Variants in FBN2 observed in about 807,000 individuals in gnomAD.
FBN2 encodes the protein fibrillin 2.
A neutral mutation model predicts 355.6 loss-of-function variants in FBN2; 105 were observed. The ratio of observed to expected loss-of-function variants is 0.30; its 90% confidence interval spans 0.25 to 0.35. FBN2 has a LOEUF of 0.35. FBN2 is among the 10% of genes least tolerant of loss of function. FBN2 has a pLI of 1.00. For synonymous variants in FBN2, 1,350 were observed against 1,301.2 expected (o/e 1.04, Z -0.81); for missense variants, 3,280 against 3,758.7 (o/e 0.87, Z 3.33).
intron 14 of FBN2, among the ~76,000 whole-genome samples, 161 bp downstream of exon 14, chr5:128,376,570 G>A (rs779870252): frequency 6.6e-6 from 1 of 152,126 alleles, no homozygotes; most frequent in Non-Finnish European, 1.5e-5. Flanking sequence ...CACAATGTGT[G>A]TTTTTCTAGA....
At chr5:128,533,657 T>C (rs1490620489) in intron 2 of FBN2, among the ~76,000 whole-genome samples, 1 of 152,192 alleles carries the variant, frequency 6.6e-6, no homozygotes, top group Non-Finnish European at 1.5e-5. Flanking sequence ...CCACAGCCTT[T>C]CTGGGTTCAG....
intron 2 of FBN2, among the ~76,000 whole-genome samples, chr5:128,534,352 T>C (rs1279317453): frequency 6.6e-6 from 1 of 152,200 alleles, no homozygotes; most frequent in African/African-American, 2.4e-5. Flanking sequence ...TATGATCATT[T>C]TAAATGTCAG....
At chr5:128,416,410 GT>G (rs1339317910) in intron 7 of FBN2, among the ~76,000 whole-genome samples, 1 of 152,184 alleles carries the variant, frequency 6.6e-6, no homozygotes, top group East Asian at 1.9e-4. Context: ...GAAGCTTTTA[GT>G]TTAATAGAGT....
Position 128,331,220 on chromosome 5 carries a change from G to C in FBN2, c.4223-525C>G, listed in dbSNP as rs139298320. ...GAAGAAAAGTTACAAGGTGCCATGA[G>C]AGAATAAAAAAGGCATCTGATTTGG... On this transcript the variant is annotated intron_variant, in intron 32 of 64. Coordinates refer to ENST00000262464, the MANE Select transcript of FBN2 (RefSeq NM_001999.4). Among the ~76,000 whole-genome samples, 610 of 152,306 alleles carry C rather than the reference G, an allele frequency of 4.0e-3. 7 individuals are homozygous for C. Among genetic ancestry groups the C allele is most frequent in the African/African-American group, 0.014 (569 of 41,574 alleles).
intron 31 of FBN2, among the ~76,000 whole-genome samples, chr5:128,333,273 G>C (rs776918292): frequency 2.4e-4 from 37 of 152,160 alleles, no homozygotes; most frequent in Non-Finnish European, 5.0e-4. Flanking sequence ...CAGTAGAAGA[G>C]AGAGAGACAC....
intron 7 of FBN2, among the ~76,000 whole-genome samples, chr5:128,423,894 G>C (rs1299503760): frequency 6.6e-6 from 1 of 152,074 alleles, no homozygotes; most frequent in African/African-American, 2.4e-5. Context: ...GCAGGAAAGT[G>C]GATGAATTCA....
At chr5:128,530,557 G>C in intron 3 of FBN2, 38 bp downstream of exon 3, 1 of 1,396,614 alleles carries the variant, frequency 7.2e-7, no homozygotes, top group Non-Finnish European at 1.0e-6. Context: ...CAAAGCTTAA[G>C]AAAAATGCAG....
chr5:128,328,897 A>T, intron 33 of FBN2, 76 bp from the exon 34 acceptor site: 1 of 1,515,624 alleles, frequency 6.6e-7, no homozygotes, highest in Non-Finnish European at 9.1e-7. Flanking sequence ...CTATAAATAG[A>T]TCAGTTTTAC....
At chr5:128,505,244 T>C (rs978558485) in intron 5 of FBN2, among the ~76,000 whole-genome samples, 1 of 152,168 alleles carries the variant, frequency 6.6e-6, no homozygotes, top group African/African-American at 2.4e-5. Context: ...GAAAAACTCA[T>C]ACTGATTATG....
intron 18 of FBN2, among the ~76,000 whole-genome samples, chr5:128,363,565 T>C (rs1357226467): frequency 6.6e-6 from 1 of 152,178 alleles, no homozygotes; most frequent in Non-Finnish European, 1.5e-5. Flanking sequence ...TGTTGAAATC[T>C]TAAAACCCAG....
intron 5 of FBN2, among the ~76,000 whole-genome samples, chr5:128,469,130 A>C (rs1006049584): frequency 1.3e-5 from 2 of 152,186 alleles, no homozygotes; most frequent in Non-Finnish European, 2.9e-5. Context: ...GGAGACATAC[A>C]GAAGAAAGTG....
At chr5:128,285,166 T>C (rs1749109267) in intron 55 of FBN2, among the ~76,000 whole-genome samples, 1 of 151,996 alleles carries the variant, frequency 6.6e-6, no homozygotes, top group African/African-American at 2.4e-5. Flanking sequence ...CCCTTAACTG[T>C]AATACTTTTA....
intron 8 of FBN2, among the ~76,000 whole-genome samples, chr5:128,404,107 T>C (rs1483571668): frequency 2.0e-5 from 3 of 152,218 alleles, no homozygotes; most frequent in African/African-American, 7.2e-5. Flanking sequence ...CATCCAACTC[T>C]TTATTAGCAT....
chr5:128,424,228 G>A (rs1005879702), intron 7 of FBN2, among the ~76,000 whole-genome samples: 6 of 152,118 alleles, frequency 3.9e-5, no homozygotes, highest in African/African-American at 1.4e-4. Flanking sequence ...TGATTGTTCC[G>A]CAGGGATGTT....
chr5:128,335,944 G>T, intron 28 of FBN2, 44 bp downstream of exon 28: 1 of 1,609,560 alleles, frequency 6.2e-7, no homozygotes, highest in South Asian at 1.1e-5. Flanking sequence ...TTCCTAGGCT[G>T]ATTTGAGACA....
chr5:128,354,176 G>T (rs1382438585), intron 20 of FBN2, among the ~76,000 whole-genome samples: 1 of 152,226 alleles, frequency 6.6e-6, no homozygotes, highest in Non-Finnish European at 1.5e-5. Context: ...GATGGTCAGA[G>T]AAATCGTGAC....
intron 48 of FBN2, among the ~76,000 whole-genome samples, chr5:128,296,480 G>T (rs1749515607): frequency 1.3e-5 from 2 of 151,788 alleles, no homozygotes; most frequent in Admixed American, 6.6e-5. Flanking sequence ...ACTCTTTTTG[G>T]TTGGTAAGCT....
intron 5 of FBN2, among the ~76,000 whole-genome samples, chr5:128,470,169 G>T (rs1256391947): frequency 6.6e-6 from 1 of 152,194 alleles, no homozygotes; most frequent in African/African-American, 2.4e-5. Context: ...ACAGGAGATT[G>T]TACTCCCACA....
intron 62 of FBN2, among the ~76,000 whole-genome samples, chr5:128,270,262 C>T (rs1472298925): frequency 6.6e-6 from 1 of 152,150 alleles, no homozygotes; most frequent in Non-Finnish European, 1.5e-5. Context: ...CATGGTGGCT[C>T]ATGCTTGTAA....
Sources: gnomAD v4.1 joint callset for allele counts (sites outside exome capture counted in the v4.1 genomes callset) on GRCh38, gnomAD v4.1.1 for gene constraint, MANE v1.5 for transcripts, NCBI Gene and HGNC (gene_info 2026-07-23, HGNC 2026-07-21) for gene names.